COLGALT2: variants seen among roughly 807,000 people sequenced by gnomAD.
The protein encoded by COLGALT2 is collagen beta(1-O)galactosyltransferase 2.
A neutral mutation model predicts 73.4 loss-of-function variants in COLGALT2; 49 were observed. That is an observed-to-expected ratio of 0.67 (90% CI 0.53 to 0.85). The LOEUF is 0.85. Among genes scored for constraint, COLGALT2 ranks in the 40% least tolerant of loss-of-function variants. The pLI, the probability that COLGALT2 is intolerant of heterozygous loss-of-function variation, is 0.00. For synonymous variants in COLGALT2, 295 were observed against 307.6 expected (o/e 0.96, Z 0.43); for missense variants, 722 against 790.2 (o/e 0.91, Z 1.03).
In COLGALT2 at chr1:184,037,319, T is replaced by TCG. The variant is rs1039507054; in HGVS notation, c.38_39insCG (p.Leu14AspfsTer94). The stretch of plus-strand genomic sequence containing the variant: ...GGAGCAGGGCTGAGGAGAGGAGCAG[T>TCG]AGCGACCAGGCGAGGGTGGCAGCAG... On this transcript the variant is annotated frameshift_variant, in exon 1 of 12. Coordinates refer to ENST00000361927, the MANE Select transcript of COLGALT2 (RefSeq NM_015101.4). LOFTEE classifies it high-confidence loss of function. 6.6e-6 allele frequency: 10 copies of TCG among 1,512,664 alleles called. No individual in the cohort carries two copies. Among genetic ancestry groups the TCG allele is most frequent in the Non-Finnish European group, 8.8e-6 (10 of 1,131,436 alleles). 93.7% of individuals were successfully genotyped at this position (1,512,664 alleles called of 1,614,324 possible). A position where few individuals can be genotyped will look rare whatever the true frequency, so the allele number is the denominator to read the frequency against.
At chr1:183,969,863 T>C (rs1048361861) in intron 4 of COLGALT2, among the ~76,000 whole-genome samples, 1 of 152,188 alleles carries the variant, frequency 6.6e-6, no homozygotes, top group Non-Finnish European at 1.5e-5. Flanking sequence ...CTACTTATTG[T>C]CTGTAGGTAT....
In COLGALT2 at chr1:183,936,555, C is replaced by G; in HGVS notation, c.*2206G>C. On this transcript the variant is annotated 3_prime_UTR_variant, in exon 12 of 12. Coordinates refer to ENST00000361927, the MANE Select transcript of COLGALT2 (RefSeq NM_015101.4). ...AAAAATTCTCTATTAAACAAAACAC[C>G]ACAAAAATCAACCCAAACTTCCTTC... The G allele has an allele frequency of 9.1e-7, 1 of 1,101,100 alleles. No individual in the cohort carries two copies. The highest frequency in any genetic ancestry group is 1.1e-6 in the Non-Finnish European group (1 of 905,820). 68.2% of individuals were successfully genotyped at this position (1,101,100 alleles called of 1,614,324 possible).
intron 1 of COLGALT2, among the ~76,000 whole-genome samples, chr1:183,989,851 C>T (rs1671584853): frequency 6.6e-6 from 1 of 152,184 alleles, no homozygotes; most frequent in South Asian, 2.1e-4. Flanking sequence ...ATCTACCTAG[C>T]TCACTGGGTT....
At chr1:183,998,008 T>C (rs1249955701) in intron 1 of COLGALT2, among the ~76,000 whole-genome samples, 1 of 152,214 alleles carries the variant, frequency 6.6e-6, no homozygotes, top group Non-Finnish European at 1.5e-5. Flanking sequence ...ATATGAACAA[T>C]AGTGCATTTA....
In COLGALT2 at chr1:183,969,180, T is replaced by G. The variant is rs547999467; in HGVS notation, c.832+89A>C. ...CCTCTCACTACCAGACATATGAGGG[T>G]TTTTTTTTTTAATAAAATGCACAAA... On this transcript the variant is annotated intron_variant, in intron 5 of 11. Transcript: ENST00000361927. 14 of 803,378 alleles carry G rather than the reference T, an allele frequency of 1.7e-5. No homozygotes were observed. The African/African-American group carries it at 2.7e-4, about 15-fold the overall frequency. The allele number at this position is 803,378 out of a possible 1,614,324, so 49.8% of individuals were successfully genotyped here.
At chr1:183,969,123 G>A in intron 5 of COLGALT2, 146 bp downstream of exon 5, 1 of 616,338 alleles carries the variant, frequency 1.6e-6, no homozygotes, top group Non-Finnish European at 2.6e-6. Context: ...AACATAGAGG[G>A]TGCTGGTATG....
intron 1 of COLGALT2, among the ~76,000 whole-genome samples, chr1:184,026,850 C>G (rs1649347329): frequency 6.6e-6 from 1 of 151,628 alleles, no homozygotes; most frequent in Non-Finnish European, 1.5e-5. Context: ...AAGAAATGCA[C>G]TGGTTTGATT....
chr1:183,934,770 G>C (rs1669913859), downstream of COLGALT2, among the ~76,000 whole-genome samples: 1 of 152,104 alleles, frequency 6.6e-6, no homozygotes, highest in African/African-American at 2.4e-5. Context: ...AATCATAAGG[G>C]AAAAACCATA....
chr1:184,037,303 C>A lies in COLGALT2; in HGVS notation c.55G>T (p.Ala19Ser). Residue 19 changes from alanine (A) to serine (S), a missense_variant, in exon 1 of 12, where the codon GCC becomes TCC. By Grantham distance (99) the Ala-to-Ser change is moderately conservative. Transcript: ENST00000361927. ...LAWSLLLLSS[A>S]LLREGCRARF... ...GCTCGGCAGCCTTCGCGGAGCAGGGCTGAGGAGAGGAGCAGTAGCGACCAG... is the reference window on the plus strand; with the variant it reads ...GCTCGGCAGCCTTCGCGGAGCAGGGATGAGGAGAGGAGCAGTAGCGACCAG... 6.5e-7 allele frequency: 1 copy of A among 1,535,910 alleles called. No individual in the cohort carries two copies. Among genetic ancestry groups the A allele is most frequent in the Non-Finnish European group, 8.8e-7 (1 of 1,142,768 alleles).
At chr1:183,974,340 C>T (rs1671133383) in intron 3 of COLGALT2, among the ~76,000 whole-genome samples, 1 of 152,180 alleles carries the variant, frequency 6.6e-6, no homozygotes, top group Admixed American at 6.5e-5. Flanking sequence ...AATAATCATA[C>T]TGAACTATAC....
intron 1 of COLGALT2, among the ~76,000 whole-genome samples, chr1:184,028,511 C>T (rs1649399881): frequency 6.6e-6 from 1 of 152,210 alleles, no homozygotes. Context: ...ATTGTATGCA[C>T]TTTGGGCTTG....
intron 1 of COLGALT2, among the ~76,000 whole-genome samples, chr1:184,025,915 A>G (rs59187891): frequency 6.6e-6 from 1 of 152,326 alleles, no homozygotes; most frequent in African/African-American, 2.4e-5. Context: ...TTAGGTCAGG[A>G]AAGGACTCAG....
At position 183,937,927 on chromosome 1, in the gene COLGALT2, G is replaced by C. The variant is rs1273527727; in HGVS notation, c.*834C>G. On this transcript the variant is annotated 3_prime_UTR_variant, in exon 12 of 12. Coordinates refer to ENST00000361927, the MANE Select transcript of COLGALT2 (RefSeq NM_015101.4). ...AGCTCTGTAGCAGCGCGCAAACCCG[G>C]GACAGGGCAGGATGCACAGCCAGTC... 2.0e-6 allele frequency: 2 copies of C among 985,218 alleles called. No individual in the cohort carries two copies. Among genetic ancestry groups the C allele is most frequent in the Non-Finnish European group, 2.4e-6 (2 of 829,932 alleles). The allele number at this position is 985,218 out of a possible 1,614,324, so 61.0% of individuals were successfully genotyped here. A position where few individuals can be genotyped will look rare whatever the true frequency, so the allele number is the denominator to read the frequency against.
At chr1:183,981,906 A>C (rs1368288434) in intron 1 of COLGALT2, among the ~76,000 whole-genome samples, 31 of 152,230 alleles carry the variant, frequency 2.0e-4, no homozygotes, top group Non-Finnish European at 1.9e-4. Context: ...GAAACTTAAA[A>C]CTATGTAACT....
At chr1:183,994,721 C>G (rs1441458892) in intron 1 of COLGALT2, among the ~76,000 whole-genome samples, 1 of 152,158 alleles carries the variant, frequency 6.6e-6, no homozygotes, top group Non-Finnish European at 1.5e-5. Flanking sequence ...TCCCAAAGTG[C>G]TGGATTACAG....
chr1:184,009,738 G>T (rs1293745820), intron 1 of COLGALT2, among the ~76,000 whole-genome samples: 1 of 152,192 alleles, frequency 6.6e-6, no homozygotes, highest in African/African-American at 2.4e-5. Flanking sequence ...TGGAGACAGA[G>T]AGAGTTAAGA....
intron 1 of COLGALT2, among the ~76,000 whole-genome samples, chr1:184,008,663 A>C (rs1488085290): frequency 6.6e-6 from 1 of 152,142 alleles, no homozygotes; most frequent in Admixed American, 6.5e-5. Flanking sequence ...CCCAGAGTTC[A>C]AGGCTGCAGT....
At chr1:183,966,367 G>T (rs1005470137) in intron 5 of COLGALT2, among the ~76,000 whole-genome samples, 1 of 152,132 alleles carries the variant, frequency 6.6e-6, no homozygotes, top group Admixed American at 6.5e-5. Flanking sequence ...ACATTTTCTT[G>T]TACTCATATA....
chr1:183,958,847 T>C (rs1170084228), intron 6 of COLGALT2, among the ~76,000 whole-genome samples: 3 of 151,574 alleles, frequency 2.0e-5, no homozygotes, highest in African/African-American at 7.3e-5. Context: ...AACATACTGT[T>C]ATATTTCTAT....
Sources: allele counts gnomAD v4.1 joint callset (sites outside exome capture counted in the v4.1 genomes callset), GRCh38; gene constraint gnomAD v4.1.1; transcripts MANE v1.5; gene names NCBI Gene and HGNC (gene_info 2026-07-23, HGNC 2026-07-21).